The following SSH1 variants were observed in gnomAD, a reference collection of about 807,000 sequenced individuals.
SSH1 encodes slingshot protein phosphatase 1, also known as protein phosphatase Slingshot homolog 1.
SSH1 carries 43 observed loss-of-function variants against 79.7 expected under a neutral mutation model. That is an observed-to-expected ratio of 0.54 (90% CI 0.42 to 0.70). The LOEUF is 0.70. Ranked by LOEUF, SSH1 falls within the 30% of genes least tolerant of loss-of-function variation. The pLI is 0.00. For synonymous variants in SSH1, 599 were observed against 538.3 expected, an observed-to-expected ratio of 1.11 and a Z score of -1.56; for missense variants, 1,206 against 1,358.8, an observed-to-expected ratio of 0.89 and a Z score of 1.77.
At chr12:108,806,788 T>C (rs2037300025) in intron 8 of SSH1, among the ~76,000 whole-genome samples, 1 of 152,168 alleles carries the variant, frequency 6.6e-6, no homozygotes, top group African/African-American at 2.4e-5. Flanking sequence ...GATCCCATTA[T>C]CCCCTTTTTC....
Position 108,782,680 on chromosome 12 carries a change from A to C in SSH1, c.*5308T>G, listed in dbSNP as rs957510870. ...TGAGGAAGCAGTTTCCTTTTATATA[A>C]ACTCAGTCATCAGGAATTTATAAAG... is the stretch of plus-strand genomic sequence containing the variant. On this transcript the variant is annotated 3_prime_UTR_variant, in exon 15 of 15. Coordinates refer to ENST00000326495, the MANE Select transcript of SSH1 (RefSeq NM_018984.4). 6.6e-6 allele frequency: 1 copy of C among 152,122 alleles called. No homozygotes were observed. Among genetic ancestry groups the C allele is most frequent in the African/African-American group, 2.4e-5 (1 of 41,426 alleles). The allele number at this position is 152,122 out of a possible 1,614,324, so 9.4% of individuals were successfully genotyped here. A position where few individuals can be genotyped will look rare whatever the true frequency, so the allele number is the denominator to read the frequency against.
Position 108,846,695 on chromosome 12 carries a change from T to C in SSH1, c.110+5943A>G, listed in dbSNP as rs538232101. The stretch of plus-strand genomic sequence containing the variant: ...CAAGTCTGTATTCTTATTTGCATCT[T>C]ATAGGAATGTAGCCGGGTAAAGGAG... On this transcript the variant is annotated intron_variant, in intron 2 of 14. Transcript: ENST00000326495. Among the ~76,000 whole-genome samples the C allele has an allele frequency of 3.1e-4, 47 of 152,320 alleles. 1 individual carries two copies. Among genetic ancestry groups the C allele is most frequent in the African/African-American group, 1.1e-3 (46 of 41,576 alleles).
At chr12:108,818,096 G>C (rs1267165453) in intron 4 of SSH1, among the ~76,000 whole-genome samples, 153 bp downstream of exon 4, 1 of 152,076 alleles carries the variant, frequency 6.6e-6, no homozygotes, top group Non-Finnish European at 1.5e-5. Context: ...TATCCAGGAG[G>C]CTGAGGTGGG....
chr12:108,801,999 A>G (rs928901711), intron 11 of SSH1, among the ~76,000 whole-genome samples: 1 of 152,186 alleles, frequency 6.6e-6, no homozygotes, highest in Non-Finnish European at 1.5e-5. Flanking sequence ...TGTGCGGGGC[A>G]GGGAAGCGGG....
At chr12:108,821,748 AC>A (rs1179200038) in intron 3 of SSH1, among the ~76,000 whole-genome samples, 3 of 152,154 alleles carry the variant, frequency 2.0e-5, no homozygotes, top group African/African-American at 7.2e-5. Context: ...CTTAAAACAG[AC>A]CTAAATATCA....
rs1230323956 is a variant in SSH1 at position 108,835,918 on chromosome 12, T to TA, written c.111-12558dup. Reference sequence around the variant, plus strand: ...CTATATTAATATAATTAATTATAACTATATTAATATAATCAATTATAACTA... The same window carrying TA: ...CTATATTAATATAATTAATTATAACTAATATTAATATAATCAATTATAACTA... On this transcript the variant is annotated intron_variant, in intron 2 of 14. Coordinates refer to ENST00000326495, the MANE Select transcript of SSH1 (RefSeq NM_018984.4). Among the ~76,000 whole-genome samples the TA allele has an allele frequency of 5.4e-4, 51 of 94,320 alleles. 7 individuals are homozygous for TA. The highest frequency in any genetic ancestry group is 2.1e-3 in the African/African-American group (48 of 22,732). 61.9% of individuals were successfully genotyped at this position (94,320 alleles called of 152,430 possible).
At chr12:108,817,517 G>T in intron 4 of SSH1, 1 of 348,922 alleles carries the variant, frequency 2.9e-6, no homozygotes, top group Non-Finnish European at 5.6e-6. Flanking sequence ...GGAGGTTGCA[G>T]TGAGCTGAGA....
intron 2 of SSH1, among the ~76,000 whole-genome samples, chr12:108,830,262 G>C (rs1460325051): frequency 6.6e-6 from 1 of 152,202 alleles, no homozygotes; most frequent in Non-Finnish European, 1.5e-5. Context: ...GACCAGCCTG[G>C]AAAACATGGT....
chr12:108,795,986 C>T lies in SSH1; in HGVS notation c.1349+3014G>A, dbSNP rs993683690. Among the ~76,000 whole-genome samples, 13 of 151,784 alleles carry T rather than the reference C, an allele frequency of 8.6e-5. 1 individual carries two copies. Among genetic ancestry groups the T allele is most frequent in the Admixed American group, 6.6e-4 (10 of 15,256 alleles). On this transcript the variant is annotated intron_variant, in intron 13 of 14. Coordinates refer to ENST00000326495, the MANE Select transcript of SSH1 (RefSeq NM_018984.4). ...GCAGTGATGCGATCATGGCTCACTG[C>T]GGTCTTGAACTCCTGGTCTCCCAGG...
At chr12:108,844,183 C>A (rs11114068) in intron 2 of SSH1, among the ~76,000 whole-genome samples, 1 of 151,828 alleles carries the variant, frequency 6.6e-6, no homozygotes, top group Admixed American at 6.6e-5. Flanking sequence ...AAGGCCTGCC[C>A]GAGATCATAT....
At chr12:108,802,586 G>C (rs537935354) in intron 10 of SSH1, among the ~76,000 whole-genome samples, 2 of 152,262 alleles carry the variant, frequency 1.3e-5, no homozygotes, top group East Asian at 1.9e-4. Context: ...GGGAGGGAAG[G>C]GTCCCGGCCC....
chr12:108,791,144 C>CT (rs2036483221), intron 14 of SSH1, among the ~76,000 whole-genome samples: 1 of 152,220 alleles, frequency 6.6e-6, no homozygotes, highest in South Asian at 2.1e-4. Flanking sequence ...GAGTCTCGCT[C>CT]TGTCACCCAG....
intron 5 of SSH1, among the ~76,000 whole-genome samples, chr12:108,816,420 C>CA: frequency 6.6e-6 from 1 of 152,366 alleles, no homozygotes; most frequent in African/African-American, 2.4e-5. Flanking sequence ...AATGATCTCA[C>CA]AGGCATTCAT....
intron 2 of SSH1, among the ~76,000 whole-genome samples, chr12:108,834,915 C>G (rs193188557): frequency 3.7e-4 from 57 of 152,296 alleles, no homozygotes; most frequent in African/African-American, 1.3e-3. Flanking sequence ...AGTAACTCAC[C>G]CTGGTCATCT....
intron 2 of SSH1, among the ~76,000 whole-genome samples, chr12:108,841,529 C>A (rs1413833679): frequency 6.6e-6 from 1 of 152,158 alleles, no homozygotes; most frequent in Non-Finnish European, 1.5e-5. Context: ...TATATAGGGC[C>A]GGGTGCAGTG....
chr12:108,820,686 C>A (rs1393763924), intron 3 of SSH1, among the ~76,000 whole-genome samples: 1 of 152,210 alleles, frequency 6.6e-6, no homozygotes, highest in Non-Finnish European at 1.5e-5. Flanking sequence ...ACAAACTGAA[C>A]TACTTTTCCA....
chr12:108,791,368 A>C (rs1433390387), intron 14 of SSH1, among the ~76,000 whole-genome samples: 1 of 152,298 alleles, frequency 6.6e-6, no homozygotes, highest in East Asian at 1.9e-4. Flanking sequence ...TCGGCTTCCC[A>C]AAATGCTGGG....
intron 2 of SSH1, chr12:108,833,983 T>C (rs907423833): frequency 5.3e-5 from 8 of 152,188 alleles, no homozygotes; most frequent in Non-Finnish European, 8.8e-5. Flanking sequence ...CCCAGAACTT[T>C]TAGCCATGTG....
At chr12:108,812,768 T>C in intron 5 of SSH1, among the ~76,000 whole-genome samples, 1 of 152,206 alleles carries the variant, frequency 6.6e-6, no homozygotes, top group Admixed American at 6.5e-5. Context: ...TATCATCCCC[T>C]AGCTGTTACT....
Sources: gnomAD v4.1 joint callset for allele counts (sites outside exome capture counted in the v4.1 genomes callset) on GRCh38, gnomAD v4.1.1 for gene constraint, MANE v1.5 for transcripts, NCBI Gene and HGNC (gene_info 2026-07-23, HGNC 2026-07-21) for gene names.